Variants in POTEE observed in about 807,000 individuals in gnomAD.
POTEE encodes ANKRD26-like family C member 1A.
Under a neutral mutation model 74.2 loss-of-function variants are expected in POTEE, and 21 were observed. The ratio of observed to expected loss-of-function variants is 0.28; its 90% CI spans 0.20 to 0.41. The LOEUF is 0.41. POTEE is among the 10% of genes least tolerant of loss of function. The pLI is 1.00. For missense variants in POTEE, 525 were observed against 1,158.6 expected, an observed-to-expected ratio of 0.45 and a Z score of 7.94; for synonymous variants, 211 against 432.8, an observed-to-expected ratio of 0.49 and a Z score of 6.36.
intron 6 of POTEE, among the ~76,000 whole-genome samples, chr2:131,224,777 T>A (rs1466474881): frequency 1.3e-5 from 2 of 151,142 alleles, no homozygotes; most frequent in South Asian, 4.2e-4. Context: ...GGAACCAGAT[T>A]GGCAGTGAAT....
intron 8 of POTEE, among the ~76,000 whole-genome samples, chr2:131,230,095 T>C (rs1700902912): frequency 6.6e-6 from 1 of 152,024 alleles, no homozygotes; most frequent in Admixed American, 6.6e-5. Context: ...TTAACATCCA[T>C]TGGTTTTTCT....
chr2:131,213,081 C>T (rs913940852), intron 2 of POTEE, among the ~76,000 whole-genome samples: 3 of 151,392 alleles, frequency 2.0e-5, no homozygotes, highest in Admixed American at 2.0e-4. Context: ...CTGCCTTGGC[C>T]CCCTGAGTAG....
intron 16 of POTEE, among the ~76,000 whole-genome samples, chr2:131,256,712 A>G (rs1701582495): frequency 2.2e-5 from 3 of 136,960 alleles, no homozygotes; most frequent in Non-Finnish European, 4.7e-5. Context: ...AAGAAGAAGA[A>G]AAAGGGTAAA....
Position 131,218,292 on chromosome 2 carries a change from A to G in POTEE, c.-93-18A>G. On this transcript the variant is annotated intron_variant, in intron 3 of 17. Transcript: ENST00000683005. ...GGTTGGCAGGTTTTGGCTGGGATTG[A>G]CATTTCTCTTCAAACAGATTGGAAA... is the stretch of plus-strand genomic sequence containing the variant. The G allele has an allele frequency of 1.3e-6, 2 of 1,576,368 alleles. No individual in the cohort carries two copies. Among genetic ancestry groups the G allele is most frequent in the Non-Finnish European group, 1.7e-6 (2 of 1,161,174 alleles).
In POTEE at chr2:131,218,363, C is replaced by T. The variant is rs765308327; in HGVS notation, c.-40C>T. ...GGTGAAACTGGTTGGTAGACGCGAT[C>T]TGTTGGCTACTACTGGCTTCTCCTG... On this transcript the variant is annotated 5_prime_UTR_variant, in exon 4 of 18. Coordinates refer to ENST00000683005, the MANE Select transcript of POTEE (RefSeq NM_001083538.3). The T allele has an allele frequency of 1.9e-6, 3 of 1,610,090 alleles. No individual in the cohort carries two copies. Among genetic ancestry groups the T allele is most frequent in the South Asian group, 1.1e-5 (1 of 90,858 alleles).
chr2:131,218,348 G>T lies in POTEE; in HGVS notation c.-55G>T. 1.9e-5 allele frequency: 30 copies of T among 1,606,832 alleles called. No homozygotes were observed. In the South Asian group the frequency reaches 3.3e-4, roughly 18 times the overall value. ...AGTTACCTGCTAGTTGGTGAAACTG[G>T]TTGGTAGACGCGATCTGTTGGCTAC... On this transcript the variant is annotated 5_prime_UTR_variant, in exon 4 of 18. Coordinates refer to ENST00000683005, the MANE Select transcript of POTEE (RefSeq NM_001083538.3).
At chr2:131,233,029 G>C (rs1202528970) in intron 9 of POTEE, among the ~76,000 whole-genome samples, 3 of 152,012 alleles carry the variant, frequency 2.0e-5, no homozygotes, top group African/African-American at 7.3e-5. Flanking sequence ...GCTGAGGAGG[G>C]GGATTGGGAT....
intron 4 of POTEE, among the ~76,000 whole-genome samples, chr2:131,219,510 G>A (rs1317170057): frequency 3.3e-5 from 5 of 152,040 alleles, no homozygotes; most frequent in Admixed American, 2.0e-4. Context: ...GGAGGCGGGC[G>A]GATCACGAGG....
chr2:131,217,485 C>T (rs1389626546), intron 2 of POTEE, among the ~76,000 whole-genome samples, 104 bp from the exon 3 acceptor site: 1 of 137,782 alleles, frequency 7.3e-6, no homozygotes, highest in Non-Finnish European at 1.6e-5. Context: ...ACAGCACCGC[C>T]AGGAGTGTCC....
chr2:131,262,852 G>A (rs1346377274), intron 17 of POTEE, among the ~76,000 whole-genome samples: 79 of 152,384 alleles, frequency 5.2e-4, no homozygotes, highest in African/African-American at 1.8e-3. Flanking sequence ...TCGGTAAAAC[G>A]TTCTTCAGTA....
At chr2:131,215,996 A>G (rs1003116650) in intron 2 of POTEE, among the ~76,000 whole-genome samples, 11 of 151,988 alleles carry the variant, frequency 7.2e-5, no homozygotes, top group African/African-American at 2.2e-4. Context: ...ACTATATTCA[A>G]TAAAGTTGAG....
Position 131,238,110 on chromosome 2 carries a change from A to C in POTEE, c.1198-84A>C, listed in dbSNP as rs1701200127. ...TCCATACTTGATTAGTTAAGAATAA[A>C]ATTTTTTTAAAACATGCGCTCCAAA... On this transcript the variant is annotated intron_variant, in intron 10 of 17. Coordinates refer to ENST00000683005, the MANE Select transcript of POTEE (RefSeq NM_001083538.3). 2.5e-5 allele frequency: 38 copies of C among 1,532,578 alleles called. No homozygotes were observed. The South Asian group carries it at 3.9e-4, about 16-fold the overall frequency. The allele number at this position is 1,532,578 out of a possible 1,614,324, so 94.9% of individuals were successfully genotyped here. A position where few individuals can be genotyped will look rare whatever the true frequency, so the allele number is the denominator to read the frequency against.
rs775051034 is a variant in POTEE, at chr2:131,264,009, G to A, written c.2554G>A (p.Val852Met). The A allele has an allele frequency of 3.0e-5, 48 of 1,614,080 alleles. No homozygotes were observed. In the South Asian group the frequency reaches 3.3e-4, roughly 11 times the overall value. ...LYTSGRTTGI[V>M]MDSGDGVTHT... ...CACCTCTGGCCGTACTACTGGCATC[G>A]TGATGGACTCTGGTGACGGGGTCAC... is the stretch of plus-strand genomic sequence containing the variant. Residue 852 changes from valine to methionine, a missense_variant, in exon 18 of 18, where the codon GTG becomes ATG. Transcript: ENST00000683005.
At chr2:131,213,286 C>A (rs867359531) in intron 2 of POTEE, among the ~76,000 whole-genome samples, 46 of 151,666 alleles carry the variant, frequency 3.0e-4, no homozygotes, top group Non-Finnish European at 4.1e-4. Flanking sequence ...TATCTAAGAA[C>A]CTGCAGTGTC....
intron 4 of POTEE, among the ~76,000 whole-genome samples, chr2:131,223,100 A>G (rs1444364203): frequency 6.6e-6 from 1 of 151,630 alleles, no homozygotes; most frequent in Non-Finnish European, 1.5e-5. Flanking sequence ...ACACACCTGA[A>G]AGTGTAGGTA....
rs1288730287 is a variant in POTEE, at chr2:131,243,203, A to G, written c.1410-2204A>G. On this transcript the variant is annotated intron_variant, in intron 12 of 17. Transcript: ENST00000683005. ...CAAACCTATTTGTATCTTGACATCAACGCTGTTAACCTTATGTCATCGTTT... is the reference window on the plus strand; with the variant it reads ...CAAACCTATTTGTATCTTGACATCAGCGCTGTTAACCTTATGTCATCGTTT... Among the ~76,000 whole-genome samples, 4 of 152,216 alleles carry G rather than the reference A, an allele frequency of 2.6e-5. No individual in the cohort carries two copies. In the East Asian group the frequency reaches 5.8e-4, roughly 22 times the overall value.
Position 131,226,803 on chromosome 2 carries a change from T to C in POTEE, c.811-20T>C, listed in dbSNP as rs1250279151. On this transcript the variant is annotated intron_variant, in intron 6 of 17. Transcript: ENST00000683005. The stretch of plus-strand genomic sequence containing the variant: ...TACTTTTTTGAATTACATAGGTTTT[T>C]GCTTTATATTGTTTTACAGCATGGC... The C allele has an allele frequency of 6.2e-7, 1 of 1,611,394 alleles. No individual in the cohort carries two copies. Among genetic ancestry groups the C allele is most frequent in the Admixed American group, 1.7e-5 (1 of 59,962 alleles).
chr2:131,228,971 G>A (rs1472497918), intron 8 of POTEE, among the ~76,000 whole-genome samples: 65 of 147,300 alleles, frequency 4.4e-4, no homozygotes, highest in African/African-American at 1.7e-3. Flanking sequence ...TCTTCATGGC[G>A]ATTCATACAG....
At chr2:131,229,416 C>G (rs1246474122) in intron 8 of POTEE, among the ~76,000 whole-genome samples, 1 of 152,188 alleles carries the variant, frequency 6.6e-6, no homozygotes, top group Non-Finnish European at 1.5e-5. Context: ...CTTGAGTGAT[C>G]TGATTTACAT....
Sources: gnomAD v4.1 joint callset for allele counts (sites outside exome capture counted in the v4.1 genomes callset) on GRCh38, gnomAD v4.1.1 for gene constraint, MANE v1.5 for transcripts, NCBI Gene and HGNC (gene_info 2026-07-23, HGNC 2026-07-21) for gene names.